The following SUFU variants were observed in gnomAD, a reference collection of about 807,000 sequenced individuals.
SUFU encodes the protein suppressor of fused homolog.
In SUFU, 7 loss-of-function variants were observed where a neutral mutation model predicts 58.9. The ratio of observed to expected loss-of-function variants is 0.12; its 90% confidence interval spans 0.07 to 0.22. The LOEUF is 0.22. Ranked by LOEUF, SUFU falls within the 10% of genes least tolerant of loss-of-function variation. The probability of loss-of-function intolerance (pLI) is 1.00; values close to 1 mark genes in which losing one functional copy is unlikely to be tolerated. For missense variants in SUFU, 451 were observed against 641.3 expected, an observed-to-expected ratio of 0.70 and a Z score of 3.20; for synonymous variants, 232 against 254.8, an observed-to-expected ratio of 0.91 and a Z score of 0.85.
chr10:102,600,422 G>A (rs908315106), intron 8 of SUFU, among the ~76,000 whole-genome samples: 5 of 152,210 alleles, frequency 3.3e-5, no homozygotes, highest in Non-Finnish European at 5.9e-5. Context: ...GGGGCCATCT[G>A]GGGTGCACAG....
chr10:102,631,352 G>A lies in SUFU; in HGVS notation c.*1197G>A, dbSNP rs902740628. ...CTCCTTTCTGGCATCCTGGCCTCTC[G>A]TGGTCCTCAGCCCCTCACCCCCAGT... On this transcript the variant is annotated 3_prime_UTR_variant, in exon 12 of 12. Coordinates refer to ENST00000369902, the MANE Select transcript of SUFU (RefSeq NM_016169.4). 2.6e-5 allele frequency: 6 copies of A among 233,332 alleles called. No homozygotes were observed. Among genetic ancestry groups the A allele is most frequent in the Admixed American group, 1.1e-4 (2 of 17,746 alleles). 14.5% of individuals were successfully genotyped at this position (233,332 alleles called of 1,614,324 possible).
rs948720575 is a variant in SUFU, at chr10:102,628,279, G to A, written c.1365+1036G>A. ...TGAGGGGAGTGCACAGGGCGGGACC[G>A]TCCAGTCCAGGTCTCCAGTTGGACA... On this transcript the variant is annotated intron_variant, in intron 11 of 11. Coordinates refer to ENST00000369902, the MANE Select transcript of SUFU (RefSeq NM_016169.4). The surrounding 1 kb of genome is among the most constrained non-coding windows in gnomAD (Gnocchi z 4.5). Among the ~76,000 whole-genome samples, 9 of 152,174 alleles carry A rather than the reference G, an allele frequency of 5.9e-5. No homozygotes were observed. The highest frequency in any genetic ancestry group is 3.8e-4 in the East Asian group (2 of 5,198).
chr10:102,570,124 G>C (rs1434616547), intron 3 of SUFU, among the ~76,000 whole-genome samples: 1 of 152,188 alleles, frequency 6.6e-6, no homozygotes, highest in Non-Finnish European at 1.5e-5. Flanking sequence ...CATCCCTGAA[G>C]TTTTCCTAGT....
At chr10:102,515,996 C>G (rs1020673521) in intron 2 of SUFU, among the ~76,000 whole-genome samples, 17 of 152,172 alleles carry the variant, frequency 1.1e-4, no homozygotes, top group African/African-American at 4.1e-4. Context: ...CAGGGCCCAA[C>G]AGGGACTCTC....
chr10:102,505,726 C>A (rs1038494075), intron 1 of SUFU, among the ~76,000 whole-genome samples: 1 of 152,170 alleles, frequency 6.6e-6, no homozygotes, highest in Non-Finnish European at 1.5e-5. Context: ...TCAGAGTAGA[C>A]GGGAGGAGGT....
At chr10:102,544,684 G>A (rs993238074) in intron 2 of SUFU, among the ~76,000 whole-genome samples, 1 of 152,176 alleles carries the variant, frequency 6.6e-6, no homozygotes, top group African/African-American at 2.4e-5. Flanking sequence ...GGGCAACGGA[G>A]TGAGACTCTG....
intron 3 of SUFU, 151 bp from the exon 4 acceptor site, chr10:102,592,431 C>A: frequency 1.2e-6 from 1 of 842,868 alleles, no homozygotes; most frequent in Non-Finnish European, 1.9e-6. Flanking sequence ...AAACTCTTTG[C>A]TTCCATCCGG....
chr10:102,527,498 G>GATATATATATAT (rs60387903), intron 2 of SUFU, among the ~76,000 whole-genome samples: 120 of 148,320 alleles, frequency 8.1e-4, no homozygotes, highest in East Asian at 2.6e-3. Context: ...ATACCATTAA[G>GATATATATATAT]ATATATATAT....
chr10:102,559,001 G>C (rs1256521225), intron 3 of SUFU, among the ~76,000 whole-genome samples: 1 of 152,214 alleles, frequency 6.6e-6, no homozygotes, highest in Non-Finnish European at 1.5e-5. Context: ...TCTGTTCAGC[G>C]ATGTTCTCAA....
chr10:102,622,253 G>A (rs2063745758), intron 10 of SUFU, among the ~76,000 whole-genome samples: 1 of 152,194 alleles, frequency 6.6e-6, no homozygotes. Context: ...CCCTTTCCCT[G>A]TGGGCCTGAG....
intron 3 of SUFU, among the ~76,000 whole-genome samples, chr10:102,580,267 G>T (rs2063262544): frequency 6.6e-6 from 1 of 152,226 alleles, no homozygotes; most frequent in Non-Finnish European, 1.5e-5. Context: ...CTGAGCTGGG[G>T]AGTATCCCAT....
intron 2 of SUFU, among the ~76,000 whole-genome samples, chr10:102,537,059 C>T (rs369906838): frequency 2.0e-5 from 3 of 151,720 alleles, no homozygotes; most frequent in Middle Eastern, 3.4e-3. Flanking sequence ...GATCTGCCCG[C>T]GTTGGTCTCT....
Position 102,629,394 on chromosome 10 carries a change from T to C in SUFU, c.1366-672T>C, listed in dbSNP as rs2063817398. On this transcript the variant is annotated intron_variant, in intron 11 of 11. Transcript: ENST00000369902. This position sits in a 1 kb window ranked among gnomAD's most constrained non-coding sequence, Gnocchi z 4.7. Reference sequence around the variant, plus strand: ...GGGGTGGGAGACATTTGGCTCTCCTTGGCCACCACTGGGACCACTCTGAGG... The same window carrying C: ...GGGGTGGGAGACATTTGGCTCTCCTCGGCCACCACTGGGACCACTCTGAGG... 6.6e-6 allele frequency among the ~76,000 whole-genome samples: 1 copy of C among 152,178 alleles called. No individual in the cohort carries two copies. The highest frequency in any genetic ancestry group is 6.5e-5 in the Admixed American group (1 of 15,288).
At chr10:102,597,648 C>T (rs186508249) in intron 7 of SUFU, among the ~76,000 whole-genome samples, 201 of 152,374 alleles carry the variant, frequency 1.3e-3, no homozygotes, top group Non-Finnish European at 2.5e-3. Flanking sequence ...CGGCCACCCA[C>T]GGAATTGACA....
intron 3 of SUFU, among the ~76,000 whole-genome samples, chr10:102,577,698 T>C (rs1590047388): frequency 2.4e-5 from 3 of 124,134 alleles, no homozygotes; most frequent in African/African-American, 3.0e-5. Context: ...TTTTTTTTTT[T>C]GAGACGTAGT....
At chr10:102,533,821 C>T (rs2062704726) in intron 2 of SUFU, among the ~76,000 whole-genome samples, 1 of 152,194 alleles carries the variant, frequency 6.6e-6, no homozygotes, top group Admixed American at 6.5e-5. Context: ...AACTGAATTA[C>T]ATTTGCAAAG....
At chr10:102,574,356 AT>A (rs1416016564) in intron 3 of SUFU, among the ~76,000 whole-genome samples, 2 of 152,262 alleles carry the variant, frequency 1.3e-5, no homozygotes, top group Non-Finnish European at 2.9e-5. Context: ...GTTAATAAAA[AT>A]ATTGACTTTA....
In SUFU at chr10:102,625,333, G is replaced by C. The variant is rs2063775685; in HGVS notation, c.1297-1842G>C. On this transcript the variant is annotated intron_variant, in intron 10 of 11. Coordinates refer to ENST00000369902, the MANE Select transcript of SUFU (RefSeq NM_016169.4). This position sits in a 1 kb window ranked among gnomAD's most constrained non-coding sequence, Gnocchi z 4.7. ...TGCTCTGTCTCTAAGCCTTGTCTCT[G>C]TCCTTGGTCGGGGCCCTAGCTCCTA... is the stretch of plus-strand genomic sequence containing the variant. Among the ~76,000 whole-genome samples the C allele has an allele frequency of 6.6e-6, 1 of 152,218 alleles. No homozygotes were observed. The highest frequency in any genetic ancestry group is 1.5e-5 in the Non-Finnish European group (1 of 68,042).
At chr10:102,572,452 C>T (rs1185344027) in intron 3 of SUFU, among the ~76,000 whole-genome samples, 3 of 138,236 alleles carry the variant, frequency 2.2e-5, no homozygotes, top group South Asian at 2.4e-4. Context: ...TGTAGTGGCG[C>T]GATCTTGGCT....
Sources: allele counts gnomAD v4.1 joint callset (sites outside exome capture counted in the v4.1 genomes callset), GRCh38; gene constraint gnomAD v4.1.1; non-coding constraint Gnocchi (gnomAD v3.1); transcripts MANE v1.5; gene names NCBI Gene and HGNC (gene_info 2026-07-23, HGNC 2026-07-21).